CUX2: variants seen among roughly 807,000 people sequenced by gnomAD.
CUX2 encodes homeobox protein cut-like 2.
Under a neutral mutation model 144.8 loss-of-function variants are expected in CUX2, and 40 were observed. The observed-to-expected ratio is 0.28, with a 90% CI of 0.21 to 0.36. The LOEUF (loss-of-function observed/expected upper bound fraction) is 0.36, where lower values mean the gene tolerates loss of function less well. CUX2 is among the 10% of genes least tolerant of loss of function. The pLI, the probability that CUX2 is intolerant of heterozygous loss-of-function variation, is 1.00. For missense variants in CUX2, 1,615 were observed against 1,994.0 expected (o/e 0.81, Z 3.62); for synonymous variants, 827 against 875.6 (o/e 0.94, Z 0.98).
intron 1 of CUX2, among the ~76,000 whole-genome samples, chr12:111,053,922 C>T (rs1353288518): frequency 3.9e-5 from 6 of 152,076 alleles, no homozygotes; most frequent in Non-Finnish European, 8.8e-5. Flanking sequence ...TGGGAGGCCA[C>T]GGCGGGTGGA....
chr12:111,053,502 T>C (rs761294486), intron 1 of CUX2, among the ~76,000 whole-genome samples: 4 of 152,248 alleles, frequency 2.6e-5, no homozygotes, highest in Non-Finnish European at 5.9e-5. Context: ...ATCTGCCACG[T>C]ACTTCCATAG....
chr12:111,245,906 C>T (rs1004178083), intron 3 of CUX2, among the ~76,000 whole-genome samples: 1 of 152,066 alleles, frequency 6.6e-6, no homozygotes, highest in East Asian at 1.9e-4. Context: ...AAATGGACAA[C>T]GCAGGCACAG....
At chr12:111,110,982 T>A (rs1189079448) in intron 1 of CUX2, among the ~76,000 whole-genome samples, 1 of 152,200 alleles carries the variant, frequency 6.6e-6, no homozygotes, top group East Asian at 1.9e-4. Flanking sequence ...TGGTGCCTCT[T>A]GCCAGAGAAA....
At chr12:111,231,649 T>G (rs1205338253) in intron 3 of CUX2, among the ~76,000 whole-genome samples, 1 of 152,170 alleles carries the variant, frequency 6.6e-6, no homozygotes, top group Non-Finnish European at 1.5e-5. Flanking sequence ...TATCCATGGG[T>G]TCCATGAACT....
intron 1 of CUX2, among the ~76,000 whole-genome samples, chr12:111,036,224 C>A (rs943637503): frequency 6.6e-6 from 1 of 152,172 alleles, no homozygotes; most frequent in Non-Finnish European, 1.5e-5. Flanking sequence ...AGATTTACAG[C>A]GCTGGTATTT....
intron 1 of CUX2, among the ~76,000 whole-genome samples, chr12:111,150,312 C>A (rs563882945): frequency 3.9e-5 from 6 of 152,146 alleles, no homozygotes; most frequent in Non-Finnish European, 5.9e-5. Context: ...CCTCCTCCCC[C>A]CAAAAAAGGG....
At position 111,287,272 on chromosome 12, in the gene CUX2, G is replaced by A. The variant is rs1885435179; in HGVS notation, c.302-4146G>A. Among the ~76,000 whole-genome samples, 1 of 152,238 alleles carries A rather than the reference G, an allele frequency of 6.6e-6. No homozygotes were observed. The highest frequency in any genetic ancestry group is 2.1e-4 in the South Asian group (1 of 4,836). On this transcript the variant is annotated intron_variant, in intron 4 of 21. Transcript: ENST00000261726. The surrounding 1 kb of genome is among the most constrained non-coding windows in gnomAD (Gnocchi z 4.2). The stretch of plus-strand genomic sequence containing the variant: ...GTTTGGCTCAATGGGCTCATGGCCA[G>A]CAGGGCCCCTGGGCCACGAGCCGGA...
At chr12:111,045,526 T>C (rs1379963295) in intron 1 of CUX2, among the ~76,000 whole-genome samples, 1 of 152,238 alleles carries the variant, frequency 6.6e-6, no homozygotes, top group African/African-American at 2.4e-5. Context: ...ATATAGACAC[T>C]TGGCCTAGGG....
intron 20 of CUX2, 94 bp downstream of exon 20, chr12:111,338,568 A>G (rs1888452705): frequency 8.1e-7 from 1 of 1,237,248 alleles, no homozygotes; most frequent in South Asian, 1.5e-5. Flanking sequence ...CAGGGCTCCC[A>G]TGGTCCAGTC....
chr12:111,214,110 C>T, intron 1 of CUX2, 90 bp from the exon 2 acceptor site: 1 of 619,540 alleles, frequency 1.6e-6, no homozygotes, highest in Non-Finnish European at 2.6e-6. Context: ...GTTCAGAATG[C>T]TGTTTTGTAC....
chr12:111,253,135 C>G (rs1883648737), intron 3 of CUX2, among the ~76,000 whole-genome samples: 1 of 152,162 alleles, frequency 6.6e-6, no homozygotes, highest in African/African-American at 2.4e-5. Context: ...CTCCCTGTTT[C>G]CACCCCAGAC....
At chr12:111,308,176 A>G (rs1349167727) in intron 12 of CUX2, 109 bp from the exon 13 acceptor site, 52 of 1,182,862 alleles carry the variant, frequency 4.4e-5, no homozygotes, top group Non-Finnish European at 6.0e-5. Flanking sequence ...GGTTCTGGGG[A>G]ATGGAGCAGT....
chr12:111,341,978 A>G lies in CUX2; in HGVS notation c.3584A>G (p.Gln1195Arg), dbSNP rs1888597782. The G allele has an allele frequency of 6.2e-7, 1 of 1,614,010 alleles. No individual in the cohort carries two copies. The highest frequency in any genetic ancestry group is 8.5e-7 in the Non-Finnish European group (1 of 1,180,026). Residue 1195 changes from glutamine to arginine, a missense_variant, in exon 21 of 22, where the codon CAG becomes CGG. Physicochemically the swap from Gln to Arg is conservative, Grantham distance 43 (BLOSUM62 1). Coordinates refer to ENST00000261726, the MANE Select transcript of CUX2 (RefSeq NM_015267.4). Reference sequence around the variant, plus strand: ...TATCAGCTGGAACCCTACCCCTCGCAGCAGACCATCGAGCTCCTCTCCTTC... The same window carrying G: ...TATCAGCTGGAACCCTACCCCTCGCGGCAGACCATCGAGCTCCTCTCCTTC... The part of the protein sequence containing the change: ...KAYQLEPYPS[Q>R]QTIELLSFQL...
chr12:111,183,739 A>T (rs77869151), intron 1 of CUX2, among the ~76,000 whole-genome samples: 70 of 152,290 alleles, frequency 4.6e-4, no homozygotes, highest in African/African-American at 1.6e-3. Context: ...CATACACATC[A>T]GTGCTCACAT....
At chr12:111,184,918 C>T (rs1370016714) in intron 1 of CUX2, among the ~76,000 whole-genome samples, 1 of 151,646 alleles carries the variant, frequency 6.6e-6, no homozygotes, top group Non-Finnish European at 1.5e-5. Flanking sequence ...AAAAATTAGC[C>T]TGGCATGGTG....
At chr12:111,188,975 C>G (rs1282987106) in intron 1 of CUX2, among the ~76,000 whole-genome samples, 1 of 152,160 alleles carries the variant, frequency 6.6e-6, no homozygotes, top group African/African-American at 2.4e-5. Flanking sequence ...CCTTTACCCC[C>G]AGAATATTCA....
At chr12:111,185,543 A>G (rs1486925014) in intron 1 of CUX2, among the ~76,000 whole-genome samples, 1 of 152,220 alleles carries the variant, frequency 6.6e-6, no homozygotes, top group African/African-American at 2.4e-5. Flanking sequence ...CGCCAGCTGC[A>G]GGCTGGAAGG....
At position 111,310,348 on chromosome 12, in the gene CUX2, C is replaced by A; in HGVS notation, c.1566C>A (p.Thr522=). Residue 522 remains threonine, a synonymous_variant, in exon 15 of 22, where the codon ACC becomes ACA. Coordinates refer to ENST00000261726, the MANE Select transcript of CUX2 (RefSeq NM_015267.4). The surrounding 1 kb of genome is among the most constrained non-coding windows in gnomAD (Gnocchi z 7.9). ...YGAKPPTAPA[T]PAPGPEPLGG... ...CCAAGCCCCCCACAGCCCCTGCCAC[C>A]CCGGCCCCTGGCCCTGAGCCACTGG... is the stretch of plus-strand genomic sequence containing the variant. 6.4e-7 allele frequency: 1 copy of A among 1,557,902 alleles called. No individual in the cohort carries two copies. The highest frequency in any genetic ancestry group is 1.2e-5 in the South Asian group (1 of 84,634).
intron 19 of CUX2, among the ~76,000 whole-genome samples, chr12:111,335,979 C>T (rs1461511874): frequency 2.0e-5 from 3 of 151,654 alleles, no homozygotes; most frequent in South Asian, 2.1e-4. Context: ...GAGTCAGCCC[C>T]AGGGCATCCA....
Sources: gnomAD v4.1 joint callset for allele counts (sites outside exome capture counted in the v4.1 genomes callset) on GRCh38, gnomAD v4.1.1 for gene constraint, Gnocchi (gnomAD v3.1) non-coding constraint, MANE v1.5 for transcripts, NCBI Gene and HGNC (gene_info 2026-07-23, HGNC 2026-07-21) for gene names.